Variants in ST6GALNAC5 observed in about 807,000 individuals in gnomAD.
The protein encoded by ST6GALNAC5 is ST6 N-acetylgalactosaminide alpha-2,6-sialyltransferase 5.
ST6GALNAC5 carries 27 observed loss-of-function variants against 33.6 expected under a neutral mutation model. The observed-to-expected ratio is 0.80, with a 90% confidence interval of 0.59 to 1.11. The LOEUF is 1.11. Ranked by LOEUF, ST6GALNAC5 falls within the 50% of genes least tolerant of loss-of-function variation. The pLI, the probability that ST6GALNAC5 is intolerant of heterozygous loss-of-function variation, is 0.00. For missense variants in ST6GALNAC5, 428 were observed against 454.0 expected, an observed-to-expected ratio of 0.94 and a Z score of 0.52; for synonymous variants, 194 against 171.2, an observed-to-expected ratio of 1.13 and a Z score of -1.04.
chr1:76,983,372 T>C (rs557782411), intron 2 of ST6GALNAC5, among the ~76,000 whole-genome samples: 1 of 152,168 alleles, frequency 6.6e-6, no homozygotes, highest in East Asian at 1.9e-4. Context: ...TCCTAGTCTC[T>C]GATAAAACAG....
chr1:77,018,705 G>A (rs1487232360), intron 2 of ST6GALNAC5, among the ~76,000 whole-genome samples: 2 of 152,232 alleles, frequency 1.3e-5, no homozygotes, highest in African/African-American at 4.8e-5. Context: ...TTTCCGACCT[G>A]TCATTGAGAA....
At chr1:76,917,651 TA>T (rs1646989376) in intron 2 of ST6GALNAC5, among the ~76,000 whole-genome samples, 1 of 151,172 alleles carries the variant, frequency 6.6e-6, no homozygotes, top group Non-Finnish European at 1.5e-5. Context: ...AATAAATATA[TA>T]AAAATATATA....
At chr1:77,011,091 G>A (rs1372582289) in intron 2 of ST6GALNAC5, among the ~76,000 whole-genome samples, 1 of 114,968 alleles carries the variant, frequency 8.7e-6, no homozygotes, top group Non-Finnish European at 2.0e-5. Flanking sequence ...ACTCTGGCAA[G>A]TAGATGACCC....
intron 2 of ST6GALNAC5, among the ~76,000 whole-genome samples, chr1:77,021,625 T>C (rs1651057288): frequency 6.6e-6 from 1 of 152,292 alleles, no homozygotes; most frequent in Middle Eastern, 3.4e-3. Flanking sequence ...TGTTCATCAA[T>C]ATGATACATT....
At chr1:76,997,625 T>C (rs922330738) in intron 2 of ST6GALNAC5, among the ~76,000 whole-genome samples, 1 of 152,216 alleles carries the variant, frequency 6.6e-6, no homozygotes, top group Non-Finnish European at 1.5e-5. Flanking sequence ...TCTTTCCATG[T>C]TATACTAAAG....
chr1:77,006,207 T>C (rs1480038295), intron 2 of ST6GALNAC5, among the ~76,000 whole-genome samples: 2 of 152,022 alleles, frequency 1.3e-5, no homozygotes, highest in Admixed American at 1.3e-4. Context: ...CAGGCTAGGC[T>C]TCAGTGGCAT....
chr1:77,051,912 A>G (rs1652233045), intron 4 of ST6GALNAC5, among the ~76,000 whole-genome samples: 1 of 152,216 alleles, frequency 6.6e-6, no homozygotes, highest in Non-Finnish European at 1.5e-5. Context: ...TGAAATGTTA[A>G]TGACTTCAAG....
At chr1:76,953,759 T>C (rs1449333404) in intron 2 of ST6GALNAC5, among the ~76,000 whole-genome samples, 1 of 152,130 alleles carries the variant, frequency 6.6e-6, no homozygotes, top group Non-Finnish European at 1.5e-5. Context: ...CACTTATTTT[T>C]AAATAAAAAG....
intron 2 of ST6GALNAC5, among the ~76,000 whole-genome samples, chr1:76,986,799 T>C (rs1649518794): frequency 1.3e-5 from 2 of 152,132 alleles, no homozygotes; most frequent in South Asian, 4.1e-4. Flanking sequence ...TAAGAAAATG[T>C]GGCACATATA....
At chr1:76,964,038 G>C (rs149955436) in intron 2 of ST6GALNAC5, among the ~76,000 whole-genome samples, 101 of 152,244 alleles carry the variant, frequency 6.6e-4, no homozygotes, top group African/African-American at 2.4e-3. Flanking sequence ...ACTAAATAAA[G>C]TGAGGAAATG....
intron 2 of ST6GALNAC5, among the ~76,000 whole-genome samples, chr1:77,002,267 T>A (rs1229207540): frequency 1.3e-5 from 2 of 152,226 alleles, no homozygotes; most frequent in East Asian, 3.8e-4. Flanking sequence ...GATTTTCTAG[T>A]TTATTTGCAT....
intron 2 of ST6GALNAC5, among the ~76,000 whole-genome samples, chr1:76,913,331 T>A (rs1646933653): frequency 6.6e-6 from 1 of 151,250 alleles, no homozygotes; most frequent in Non-Finnish European, 1.5e-5. Flanking sequence ...ACCCGACCTT[T>A]CTCTCTGGCT....
intron 3 of ST6GALNAC5, among the ~76,000 whole-genome samples, chr1:77,046,690 A>T (rs1428248471): frequency 6.6e-6 from 1 of 152,226 alleles, no homozygotes; most frequent in Non-Finnish European, 1.5e-5. Context: ...TTTTATAAGG[A>T]ATCAAGAAGG....
intron 2 of ST6GALNAC5, among the ~76,000 whole-genome samples, chr1:76,910,288 T>A (rs1646898274): frequency 6.6e-6 from 1 of 152,058 alleles, no homozygotes; most frequent in Non-Finnish European, 1.5e-5. Flanking sequence ...TATTATATAA[T>A]TTGCGTAAAT....
chr1:76,926,997 G>A (rs1647092504), intron 2 of ST6GALNAC5, among the ~76,000 whole-genome samples: 1 of 151,748 alleles, frequency 6.6e-6, no homozygotes, highest in Admixed American at 6.6e-5. Context: ...TTTAAATTGT[G>A]ATTTTCATCT....
chr1:77,000,415 C>A (rs912654273), intron 2 of ST6GALNAC5, among the ~76,000 whole-genome samples: 7 of 125,276 alleles, frequency 5.6e-5, no homozygotes, highest in African/African-American at 1.6e-4. Context: ...GAGTAGGTTG[C>A]GAAAATTTTC....
chr1:77,060,678 A>G (rs1652546053), intron 4 of ST6GALNAC5, among the ~76,000 whole-genome samples: 1 of 152,312 alleles, frequency 6.6e-6, no homozygotes, highest in African/African-American at 2.4e-5. Context: ...TAGGGGATCA[A>G]TATGGAGTCA....
intron 2 of ST6GALNAC5, among the ~76,000 whole-genome samples, chr1:77,015,776 G>C (rs1405072364): frequency 6.6e-6 from 1 of 151,976 alleles, no homozygotes; most frequent in Non-Finnish European, 1.5e-5. Flanking sequence ...GGTGGAGAAG[G>C]CTTTTCAGGC....
chr1:76,980,799 A>C (rs1375355184), intron 2 of ST6GALNAC5, among the ~76,000 whole-genome samples: 1 of 152,192 alleles, frequency 6.6e-6, no homozygotes, highest in Non-Finnish European at 1.5e-5. Context: ...AATCTTTATG[A>C]CCTTGATTAG....
Sources: gnomAD v4.1 joint callset for allele counts (sites outside exome capture counted in the v4.1 genomes callset) on GRCh38, gnomAD v4.1.1 for gene constraint, MANE v1.5 for transcripts, NCBI Gene and HGNC (gene_info 2026-07-23, HGNC 2026-07-21) for gene names.